The following TENM4 variants were observed in gnomAD, a reference collection of about 807,000 sequenced individuals.
The protein encoded by TENM4 is teneurin transmembrane protein 4.
TENM4 carries 82 observed loss-of-function variants against 243.3 expected under a neutral mutation model. The ratio of observed to expected loss-of-function variants is 0.34; its 90% CI spans 0.28 to 0.40. The LOEUF (loss-of-function observed/expected upper bound fraction) is 0.40. Ranked by LOEUF, TENM4 falls within the 10% of genes least tolerant of loss-of-function variation. The pLI is 1.00. For synonymous variants in TENM4, 1,412 were observed against 1,456.3 expected (o/e 0.97, Z 0.69); for missense variants, 3,138 against 3,673.3 (o/e 0.85, Z 3.77).
intron 3 of TENM4, among the ~76,000 whole-genome samples, chr11:79,164,977 G>A (rs1432092549): frequency 6.6e-6 from 1 of 151,710 alleles, no homozygotes; most frequent in African/African-American, 2.4e-5. Flanking sequence ...GTGTGTGTGT[G>A]TGTGTGTGTG....
intron 13 of TENM4, among the ~76,000 whole-genome samples, chr11:78,812,714 T>C (rs1049077862): frequency 2.0e-5 from 3 of 152,042 alleles, no homozygotes; most frequent in Admixed American, 2.0e-4. Flanking sequence ...ACACTCCACT[T>C]TCACTTCCCC....
intron 1 of TENM4, among the ~76,000 whole-genome samples, chr11:79,369,617 G>A (rs1857743932): frequency 6.6e-6 from 1 of 152,208 alleles, no homozygotes; most frequent in African/African-American, 2.4e-5. Flanking sequence ...GGCTAAGAGA[G>A]AGGACAGGGT....
At chr11:79,126,292 T>C (rs1861874685) in intron 4 of TENM4, among the ~76,000 whole-genome samples, 1 of 152,212 alleles carries the variant, frequency 6.6e-6, no homozygotes, top group Non-Finnish European at 1.5e-5. Context: ...GATATACCCT[T>C]GACCAATGCT....
intron 24 of TENM4, 23 bp from the exon 25 acceptor site, chr11:78,720,413 G>A (rs751556498): frequency 6.2e-6 from 10 of 1,613,630 alleles, no homozygotes. Flanking sequence ...AGGAGAGCAG[G>A]GAATAGAAGA....
At chr11:79,306,997 G>A (rs1168975805) in intron 1 of TENM4, among the ~76,000 whole-genome samples, 1 of 152,166 alleles carries the variant, frequency 6.6e-6, no homozygotes, top group Non-Finnish European at 1.5e-5. Flanking sequence ...GTGCCTCTTT[G>A]TAAAAGGATC....
At chr11:79,006,596 A>G (rs1476983387) in intron 6 of TENM4, among the ~76,000 whole-genome samples, 1 of 152,184 alleles carries the variant, frequency 6.6e-6, no homozygotes, top group Non-Finnish European at 1.5e-5. Context: ...AGATAGGTTA[A>G]GTCAATCACC....
chr11:78,660,090 G>A (rs1590918343), intron 33 of TENM4, among the ~76,000 whole-genome samples: 1 of 152,316 alleles, frequency 6.6e-6, no homozygotes, highest in African/African-American at 2.4e-5. Context: ...TGGAGTGCAG[G>A]AGGGAGCCTG....
chr11:79,013,898 A>G (rs1181647412), intron 6 of TENM4, among the ~76,000 whole-genome samples: 1 of 152,036 alleles, frequency 6.6e-6, no homozygotes, highest in East Asian at 1.9e-4. Context: ...CACTTTTCTA[A>G]CCACTCTTTA....
chr11:79,358,950 ATTT>A (rs202209074), intron 1 of TENM4, among the ~76,000 whole-genome samples: 1,775 of 144,184 alleles, frequency 0.012, 9 homozygotes, highest in Middle Eastern at 0.053. Flanking sequence ...GTAAAAAGGC[ATTT>A]TTTTTTTTTT....
At chr11:79,164,059 T>C (rs1383248016) in intron 3 of TENM4, among the ~76,000 whole-genome samples, 1 of 18,248 alleles carries the variant, frequency 5.5e-5, no homozygotes, top group Admixed American at 4.5e-4. Flanking sequence ...ATACTATGTA[T>C]ATATAGTGTA....
At chr11:79,205,377 C>G (rs1188501118) in intron 3 of TENM4, among the ~76,000 whole-genome samples, 1 of 152,084 alleles carries the variant, frequency 6.6e-6, no homozygotes, top group Non-Finnish European at 1.5e-5. Context: ...ACAATTTTAC[C>G]ACTCGCATAG....
chr11:79,224,569 T>C lies in TENM4; in HGVS notation c.-264-8660A>G, dbSNP rs551607084. 4.6e-5 allele frequency among the ~76,000 whole-genome samples: 7 copies of C among 152,146 alleles called. No individual in the cohort carries two copies. The East Asian group carries it at 1.2e-3, about 25-fold the overall frequency. Reference sequence around the variant, plus strand: ...CCCAGTACTGCAGAGTGGGGCCTTATTTGGAGATAAGGTCTTTATAGAGGC... The same window carrying C: ...CCCAGTACTGCAGAGTGGGGCCTTACTTGGAGATAAGGTCTTTATAGAGGC... On this transcript the variant is annotated intron_variant, in intron 2 of 33. Coordinates refer to ENST00000278550, the MANE Select transcript of TENM4 (RefSeq NM_001098816.3).
intron 2 of TENM4, among the ~76,000 whole-genome samples, chr11:79,283,431 A>G (rs1010759740): frequency 1.3e-5 from 2 of 152,258 alleles, no homozygotes; most frequent in South Asian, 2.1e-4. Context: ...AATCAATGTA[A>G]TAGACCACAT....
intron 1 of TENM4, among the ~76,000 whole-genome samples, chr11:79,421,224 C>T (rs375100453): frequency 6.6e-6 from 1 of 151,894 alleles, no homozygotes; most frequent in East Asian, 1.9e-4. Flanking sequence ...ATTCCATTAC[C>T]TTGTCTATAT....
chr11:78,723,670 T>C (rs920616360), intron 23 of TENM4, among the ~76,000 whole-genome samples: 7 of 152,232 alleles, frequency 4.6e-5, no homozygotes, highest in Non-Finnish European at 8.8e-5. Flanking sequence ...CTGTTTCTTT[T>C]TAGTCTGGAT....
intron 27 of TENM4, among the ~76,000 whole-genome samples, chr11:78,706,924 T>C (rs1320311348): frequency 6.6e-6 from 1 of 151,720 alleles, no homozygotes; most frequent in Non-Finnish European, 1.5e-5. Context: ...CAAAGACGAG[T>C]GGCAGAGAAC....
Position 79,412,103 on chromosome 11 carries a change from C to T in TENM4, c.-321+28406G>A, listed in dbSNP as rs562323002. ...GGCCAGGCCTGGCATGGACTGGGTG[C>T]CACCACCAGGACAGCTCAGGAGCCC... On this transcript the variant is annotated intron_variant, in intron 1 of 33. Transcript: ENST00000278550. Among the ~76,000 whole-genome samples, 12 of 152,290 alleles carry T rather than the reference C, an allele frequency of 7.9e-5. No individual in the cohort carries two copies. In the East Asian group the frequency reaches 2.1e-3, roughly 27 times the overall value.
chr11:78,968,135 T>G (rs1319859988), intron 6 of TENM4, among the ~76,000 whole-genome samples: 1 of 152,210 alleles, frequency 6.6e-6, no homozygotes, highest in Non-Finnish European at 1.5e-5. Context: ...TCTCTCTGGC[T>G]CTCTATACTC....
intron 6 of TENM4, among the ~76,000 whole-genome samples, chr11:79,034,143 A>G (rs1859314782): frequency 6.6e-6 from 1 of 152,244 alleles, no homozygotes; most frequent in African/African-American, 2.4e-5. Context: ...CAAACTGCAG[A>G]GCGACATACA....
Sources: allele counts gnomAD v4.1 joint callset (sites outside exome capture counted in the v4.1 genomes callset), GRCh38; gene constraint gnomAD v4.1.1; transcripts MANE v1.5; gene names NCBI Gene and HGNC (gene_info 2026-07-23, HGNC 2026-07-21).